The following RAB13 variants were observed in gnomAD, a reference collection of about 807,000 sequenced individuals.
The protein encoded by RAB13 is ras-related protein Rab-13.
In RAB13, 15 loss-of-function variants were observed where a neutral mutation model predicts 29.3. The observed-to-expected ratio is 0.51, with a 90% CI of 0.34 to 0.79. The LOEUF (loss-of-function observed/expected upper bound fraction) is 0.79, where lower values mean the gene tolerates loss of function less well. Among genes scored for constraint, RAB13 ranks in the 30% least tolerant of loss-of-function variants. The pLI is 0.01. For missense variants in RAB13, 186 were observed against 255.5 expected, an observed-to-expected ratio of 0.73 and a Z score of 1.85; for synonymous variants, 82 against 93.8, an observed-to-expected ratio of 0.87 and a Z score of 0.73.
chr1:153,984,177 CA>C (rs751964337), intron 2 of RAB13, among the ~76,000 whole-genome samples: 25,601 of 74,662 alleles, frequency 0.34, 1,878 homozygotes, highest in Admixed American at 0.41. Flanking sequence ...AACTCTGTCT[CA>C]AAAAAAAAAA....
chr1:153,988,652 T>G (rs1047659305), upstream of RAB13, among the ~76,000 whole-genome samples: 11 of 148,638 alleles, frequency 7.4e-5, no homozygotes, highest in African/African-American at 2.7e-4. Context: ...TCGCTCTTGT[T>G]GCGTAGGCTG....
chr1:153,985,968 G>A (rs1649153726), intron 1 of RAB13, 145 bp downstream of exon 1: 1 of 1,406,032 alleles, frequency 7.1e-7, no homozygotes, highest in Admixed American at 2.5e-5. Context: ...ACATGCACGG[G>A]GGAAGGGTCA....
chr1:153,984,109 G>A (rs1282910393), intron 2 of RAB13, among the ~76,000 whole-genome samples: 8 of 151,058 alleles, frequency 5.3e-5, no homozygotes, highest in Non-Finnish European at 8.8e-5. Flanking sequence ...CCCAGGAGGC[G>A]GAGGTTAAAG....
upstream of RAB13, among the ~76,000 whole-genome samples, chr1:153,986,912 G>T (rs1649186817): frequency 6.6e-6 from 1 of 152,108 alleles, no homozygotes; most frequent in Admixed American, 6.6e-5. Context: ...CTGCCCCCTG[G>T]TGGAACAGGG....
chr1:153,990,412 A>G (rs529549350), upstream of RAB13, among the ~76,000 whole-genome samples: 14 of 152,348 alleles, frequency 9.2e-5, no homozygotes, highest in African/African-American at 3.1e-4. Context: ...GAATATAGGT[A>G]TTTAAAAAAT....
chr1:153,986,656 G>T (rs1649181101), upstream of RAB13, among the ~76,000 whole-genome samples: 1 of 151,900 alleles, frequency 6.6e-6, no homozygotes, highest in African/African-American at 2.4e-5. Flanking sequence ...TAGGGGAAGA[G>T]AACCAAGAGT....
chr1:153,990,618 G>A (rs961597950), upstream of RAB13: 3 of 726,512 alleles, frequency 4.1e-6, no homozygotes, highest in Non-Finnish European at 7.3e-6. Flanking sequence ...ACAACTAACA[G>A]TTAAAGACCT....
intron 3 of RAB13, 74 bp downstream of exon 3, chr1:153,983,447 C>T: frequency 6.5e-7 from 1 of 1,529,676 alleles, no homozygotes; most frequent in Non-Finnish European, 9.1e-7. Flanking sequence ...CCTGCCCCAA[C>T]CCCTGACCCT....
rs766772501 is a variant in RAB13, at chr1:153,986,221, C to T, written c.16G>A (p.Asp6Asn). ...ATCAGCAGCAACTTGAAGAGGTGGT[C>T]GTAGGCTTTGGCCATGGCGGACACC... MAKAY[D>N]HLFKLLLIGD... The change falls in exon 1 of 8, where the codon GAC (aspartate) becomes AAC (asparagine). Residue 6 changes from aspartate to asparagine, a missense_variant. Asp to Asn is a conservative substitution (Grantham distance 23). Coordinates refer to ENST00000368575, the MANE Select transcript of RAB13 (RefSeq NM_002870.5). 1 of 1,612,976 alleles carries T rather than the reference C, an allele frequency of 6.2e-7. No homozygotes were observed. The highest frequency in any genetic ancestry group is 8.5e-7 in the Non-Finnish European group (1 of 1,179,572).
At chr1:153,983,672 T>A in intron 2 of RAB13, 91 bp from the exon 3 acceptor site, 1 of 1,174,396 alleles carries the variant, frequency 8.5e-7, no homozygotes, top group Non-Finnish European at 1.3e-6. Flanking sequence ...TTAGCTTTTG[T>A]AACATGGTGG....
upstream of RAB13, among the ~76,000 whole-genome samples, chr1:153,988,201 G>A (rs1649243345): frequency 6.6e-6 from 1 of 151,530 alleles, no homozygotes; most frequent in South Asian, 2.1e-4. Flanking sequence ...CACCATGTTG[G>A]CCAGATGGTC....
rs1348142513 is a variant in RAB13, at chr1:153,983,246, A to G, written c.297T>C (p.Ile99=). 1 of 1,613,906 alleles carries G rather than the reference A, an allele frequency of 6.2e-7. No homozygotes were observed. The highest frequency in any genetic ancestry group is 8.5e-7 in the Non-Finnish European group (1 of 1,179,874). The change falls in exon 4 of 8, where the codon ATT becomes ATC. Residue 99 remains isoleucine (I), a synonymous_variant. Coordinates refer to ENST00000368575, the MANE Select transcript of RAB13 (RefSeq NM_002870.5). ...CCTTGATGCTTTTCATCCAGTTCTG[A>G]ATATTCTCGAAAGATTTCTCATCCG... ...DITDEKSFEN[I]QNWMKSIKEN...
intron 1 of RAB13, chr1:153,985,027 T>C (rs968143960): frequency 8.2e-7 from 1 of 1,225,612 alleles, no homozygotes. Flanking sequence ...AAATTCTGCA[T>C]GGAGGCTTAA....
Position 153,986,160 on chromosome 1 carries a change from A to G in RAB13, c.77T>C (p.Ile26Thr), listed in dbSNP as rs1271531377. The stretch of plus-strand genomic sequence containing the variant: ...GTTGAAGTTGTCCTCTGCAAAGCGA[A>G]TGATCAGACAAGTCTTGCCCACCCC... ...DSGVGKTCLI[I>T]RFAEDNFNNT... The change falls in exon 1 of 8, where the codon ATT becomes ACT. Residue 26 changes from isoleucine to threonine, a missense_variant. Physicochemically the swap from Ile to Thr is moderately conservative, Grantham distance 89 (BLOSUM62 -1). Coordinates refer to ENST00000368575, the MANE Select transcript of RAB13 (RefSeq NM_002870.5). 6.2e-7 allele frequency: 1 copy of G among 1,613,826 alleles called. No individual in the cohort carries two copies. The highest frequency in any genetic ancestry group is 8.5e-7 in the Non-Finnish European group (1 of 1,179,944).
rs1345664518 is a variant in RAB13, at chr1:153,983,227, T to G, written c.316A>C (p.Ile106Leu). 4 of 1,613,274 alleles carry G rather than the reference T, an allele frequency of 2.5e-6. No homozygotes were observed. Among genetic ancestry groups the G allele is most frequent in the South Asian group, 1.1e-5 (1 of 91,076 alleles). Reference protein sequence around the residue: ...FENIQNWMKSIKENASAGVER... With the variant: ...FENIQNWMKSLKENASAGVER... ...TTTTGGAGGGTCCTCACCTCCTTGA[T>G]GCTTTTCATCCAGTTCTGAATATTC... Residue 106 changes from isoleucine (I) to leucine (L), a missense_variant, in exon 4 of 8, where the codon ATC becomes CTC. Coordinates refer to ENST00000368575, the MANE Select transcript of RAB13 (RefSeq NM_002870.5).
intron 1 of RAB13, 44 bp downstream of exon 1, chr1:153,986,069 G>A: frequency 6.2e-7 from 1 of 1,610,988 alleles, no homozygotes; most frequent in Non-Finnish European, 8.5e-7. Context: ...CGGAGAAGGA[G>A]GTCACAGGAG....
upstream of RAB13, among the ~76,000 whole-genome samples, chr1:153,987,309 A>C (rs1415090921): frequency 6.7e-6 from 1 of 148,976 alleles, no homozygotes; most frequent in African/African-American, 2.6e-5. Context: ...GATCGAGACC[A>C]TCCTGGCTAA....
At chr1:153,984,895 C>A in intron 1 of RAB13, 114 bp from the exon 2 acceptor site, 1 of 1,405,680 alleles carries the variant, frequency 7.1e-7, no homozygotes, top group Non-Finnish European at 9.3e-7. Context: ...GCAGGGGAGG[C>A]ACTTGGGGAA....
chr1:153,982,134 C>T lies in RAB13; in HGVS notation c.577G>A (p.Asp193Asn), dbSNP rs765598996. Reference protein sequence around the residue: ...KPPSTDLKTCDKKNTNKCSLG With the variant: ...KPPSTDLKTCNKKNTNKCSLG ...GAGCACTTGTTGGTGTTCTTCTTGT[C>T]ACAAGTTTTCAGGTCAGTACTGGGA... The change falls in exon 8 of 8, where the codon GAC becomes AAC. Residue 193 changes from aspartate to asparagine, a missense_variant. Transcript: ENST00000368575. 1.2e-6 allele frequency: 2 copies of T among 1,613,986 alleles called. No homozygotes were observed. The highest frequency in any genetic ancestry group is 1.7e-6 in the Non-Finnish European group (2 of 1,180,002).
Sources: gnomAD v4.1 joint callset for allele counts (sites outside exome capture counted in the v4.1 genomes callset) on GRCh38, gnomAD v4.1.1 for gene constraint, MANE v1.5 for transcripts, NCBI Gene and HGNC (gene_info 2026-07-23, HGNC 2026-07-21) for gene names.